Variants in RASA3 observed in about 807,000 individuals in gnomAD.
RASA3 encodes the protein ras GTPase-activating protein 3.
Under a neutral mutation model 110.0 loss-of-function variants are expected in RASA3, and 73 were observed. The observed-to-expected ratio is 0.66, with a 90% CI of 0.55 to 0.81. The LOEUF is 0.81. Among genes scored for constraint, RASA3 ranks in the 30% least tolerant of loss-of-function variants. The pLI is 0.00. For missense variants in RASA3, 976 were observed against 1,113.2 expected, an observed-to-expected ratio of 0.88 and a Z score of 1.75; for synonymous variants, 500 against 451.4, an observed-to-expected ratio of 1.11 and a Z score of -1.37.
Position 114,057,411 on chromosome 13 carries a change from TA to T in RASA3, c.174-5257del. ...GTGGGGTCCGGAGAGGCGGCCGTGCTACAGGCCTTGCACTCATTTTAATGAA... is the reference window on the plus strand; with the variant it reads ...GTGGGGTCCGGAGAGGCGGCCGTGCTCAGGCCTTGCACTCATTTTAATGAA... On this transcript the variant is annotated intron_variant, in intron 2 of 23. Transcript: ENST00000334062. This position sits in a 1 kb window ranked among gnomAD's most constrained non-coding sequence, Gnocchi z 5.0. 2.0e-6 allele frequency: 2 copies of T among 985,376 alleles called. No individual in the cohort carries two copies. Among genetic ancestry groups the T allele is most frequent in the Non-Finnish European group, 2.4e-6 (2 of 829,918 alleles). The allele number at this position is 985,376 out of a possible 1,614,324, so 61.0% of individuals were successfully genotyped here. A position where few individuals can be genotyped will look rare whatever the true frequency, so the allele number is the denominator to read the frequency against.
intron 1 of RASA3, among the ~76,000 whole-genome samples, chr13:114,113,453 AAG>A: frequency 6.6e-6 from 1 of 152,368 alleles, no homozygotes; most frequent in Non-Finnish European, 1.5e-5. Context: ...ATTTCTTAAA[AAG>A]AGAGAAAGAT....
At chr13:114,050,748 G>GCC (rs2079131629) in intron 3 of RASA3, among the ~76,000 whole-genome samples, 1 of 152,238 alleles carries the variant, frequency 6.6e-6, no homozygotes, top group Non-Finnish European at 1.5e-5. Context: ...TTTCTCTCAT[G>GCC]CCCCCTCTCT....
At chr13:113,982,783 G>A (rs1313480162) in intron 22 of RASA3, among the ~76,000 whole-genome samples, 1 of 152,246 alleles carries the variant, frequency 6.6e-6, no homozygotes, top group Admixed American at 6.5e-5. Flanking sequence ...TTGTGCAGGG[G>A]ATGGGCGTCC....
chr13:114,013,240 C>A lies in RASA3; in HGVS notation c.1414G>T (p.Asp472Tyr). The A allele has an allele frequency of 6.2e-7, 1 of 1,611,758 alleles. No homozygotes were observed. The highest frequency in any genetic ancestry group is 8.5e-7 in the Non-Finnish European group (1 of 1,179,100). The change falls in exon 15 of 24, where the codon GAC becomes TAC. Residue 472 changes from aspartate (D) to tyrosine (Y), a missense_variant. Asp to Tyr is a radical substitution (Grantham distance 160). Transcript: ENST00000334062. ...AAAKRFQDDP[D>Y]VRYTAVSSFI... The stretch of plus-strand genomic sequence containing the variant: ...CTGCTCACTGCAGTGTACCTGACGT[C>A]CGGGTCATCTGCGGGAGAGAGAAGC...
chr13:114,128,159 T>G (rs536301516), intron 1 of RASA3, among the ~76,000 whole-genome samples: 1 of 152,348 alleles, frequency 6.6e-6, no homozygotes, highest in South Asian at 2.1e-4. Flanking sequence ...GAATCTAGGA[T>G]CTCTGATGCC....
chr13:114,073,954 T>C, intron 1 of RASA3, 117 bp from the exon 2 acceptor site: 1 of 921,128 alleles, frequency 1.1e-6, no homozygotes, highest in African/African-American at 1.6e-5. Context: ...TATAAAGCCT[T>C]GGTTTTTTTG....
chr13:114,126,898 G>T (rs2080457956), intron 1 of RASA3, among the ~76,000 whole-genome samples: 1 of 151,880 alleles, frequency 6.6e-6, no homozygotes, highest in Admixed American at 6.5e-5. Flanking sequence ...CGCAGTCTCG[G>T]GTGTCTGATT....
intron 11 of RASA3, among the ~76,000 whole-genome samples, 175 bp from the exon 12 acceptor site, chr13:114,017,526 C>T (rs1472280742): frequency 1.3e-5 from 2 of 152,242 alleles, no homozygotes; most frequent in East Asian, 3.9e-4. Flanking sequence ...AGGCCCTGGC[C>T]ATGGAACCGT....
chr13:114,036,630 CG>C (rs1566509626), intron 4 of RASA3, among the ~76,000 whole-genome samples: 3 of 152,148 alleles, frequency 2.0e-5, no homozygotes, highest in African/African-American at 7.2e-5. Context: ...CTCCGCCTCC[CG>C]GGTTCAAGCG....
chr13:114,014,019 CATCTCTCTCTCTCCGTCT>C lies in RASA3; in HGVS notation c.1406-789_1406-772del. Among the ~76,000 whole-genome samples the C allele has an allele frequency of 2.1e-5, 1 of 46,800 alleles. No homozygotes were observed. Among genetic ancestry groups the C allele is most frequent in the Non-Finnish European group, 3.8e-5 (1 of 26,326 alleles). The allele number at this position is 46,800 out of a possible 152,430, so 30.7% of individuals were successfully genotyped here. On this transcript the variant is annotated intron_variant, in intron 14 of 23. Transcript: ENST00000334062. The surrounding 1 kb of genome is among the most constrained non-coding windows in gnomAD (Gnocchi z 4.5). ...CTCTCCGTCTGTCTCTGTCTCTCTC[CATCTCTCTCTCTCCGTCT>C]CTATCTCTCTCTCCGTCTGTCTCTG... is the stretch of plus-strand genomic sequence containing the variant.
intron 2 of RASA3, among the ~76,000 whole-genome samples, chr13:114,072,066 T>C (rs2079581290): frequency 1.3e-5 from 2 of 152,154 alleles, no homozygotes; most frequent in Admixed American, 1.3e-4. Flanking sequence ...CACGGACATC[T>C]TCTCTGATCC....
rs1025424241 is a variant in RASA3, at chr13:114,114,108, C to T, written c.55+18327G>A. 1.3e-5 allele frequency among the ~76,000 whole-genome samples: 2 copies of T among 152,166 alleles called. No homozygotes were observed. Among genetic ancestry groups the T allele is most frequent in the African/African-American group, 2.4e-5 (1 of 41,446 alleles). On this transcript the variant is annotated intron_variant, in intron 1 of 23. Coordinates refer to ENST00000334062, the MANE Select transcript of RASA3 (RefSeq NM_007368.4). The surrounding 1 kb of genome is among the most constrained non-coding windows in gnomAD (Gnocchi z 4.8). ...GTGTCTGCGATGTCTGTAGTGTCTG[C>T]GATGTCTGTAGTATCTGCAATGTCC...
chr13:114,072,637 A>C (rs1230160887), intron 2 of RASA3, among the ~76,000 whole-genome samples: 1 of 152,132 alleles, frequency 6.6e-6, no homozygotes, highest in Non-Finnish European at 1.5e-5. Context: ...CGCCGCCTAC[A>C]TGCACTTCCT....
intron 6 of RASA3, 99 bp from the exon 7 acceptor site, chr13:114,027,560 G>C (rs2054049879): frequency 1.1e-6 from 1 of 901,488 alleles, no homozygotes; most frequent in Non-Finnish European, 1.7e-6. Flanking sequence ...GTCACTTATT[G>C]GCTTTATTTA....
intron 18 of RASA3, among the ~76,000 whole-genome samples, chr13:114,003,970 G>A (rs952646951): frequency 1.3e-5 from 2 of 152,154 alleles, no homozygotes; most frequent in Non-Finnish European, 2.9e-5. Flanking sequence ...AAATTGCCTC[G>A]CTGAAAGAAC....
chr13:114,123,566 G>A (rs12428402), intron 1 of RASA3, among the ~76,000 whole-genome samples: 42,134 of 152,142 alleles, frequency 0.28, 6,099 homozygotes, highest in East Asian at 0.39. Flanking sequence ...AGACGATGAC[G>A]TCCAAAAACC....
rs922809759 is a variant in RASA3, at chr13:114,024,402, G to T, written c.604-47C>A. 4 of 1,578,364 alleles carry T rather than the reference G, an allele frequency of 2.5e-6. No individual in the cohort carries two copies. The African/African-American group carries it at 4.0e-5, about 16-fold the overall frequency. ...AGCGCTGAGACCGCGGTGCCACCAG[G>T]CGGGGGTATATGCGGACCTAGGCCC... On this transcript the variant is annotated intron_variant, in intron 7 of 23. Transcript: ENST00000334062.
intron 16 of RASA3, among the ~76,000 whole-genome samples, chr13:114,010,326 G>A (rs984928658): frequency 5.9e-5 from 9 of 151,970 alleles, no homozygotes; most frequent in South Asian, 2.1e-4. Context: ...CTCTCCAGAC[G>A]GAGCCCCGAG....
chr13:114,083,565 G>C (rs34093372), intron 1 of RASA3, among the ~76,000 whole-genome samples: 167 of 109,580 alleles, frequency 1.5e-3, no homozygotes, highest in East Asian at 2.0e-3. Flanking sequence ...CGGGGAAGTG[G>C]TGAGTCTGGA....
Sources: gnomAD v4.1 joint callset for allele counts (sites outside exome capture counted in the v4.1 genomes callset) on GRCh38, gnomAD v4.1.1 for gene constraint, Gnocchi (gnomAD v3.1) non-coding constraint, MANE v1.5 for transcripts, NCBI Gene and HGNC (gene_info 2026-07-23, HGNC 2026-07-21) for gene names.